Variants in WDPCP observed in about 807,000 individuals in gnomAD.
The protein encoded by WDPCP is WD repeat-containing and planar cell polarity effector protein fritz homolog.
Under a neutral mutation model 93.1 loss-of-function variants are expected in WDPCP, and 71 were observed. The observed-to-expected ratio is 0.76, with a 90% CI of 0.63 to 0.93. WDPCP has a LOEUF of 0.93. Ranked by LOEUF, WDPCP falls within the 40% of genes least tolerant of loss-of-function variation. The pLI is 0.00. For missense variants in WDPCP, 844 were observed against 887.4 expected (o/e 0.95, Z 0.62); for synonymous variants, 315 against 315.0 (o/e 1.00, Z 0.00).
At chr2:63,311,322 C>T (rs901573439) in intron 13 of WDPCP, among the ~76,000 whole-genome samples, 1 of 151,866 alleles carries the variant, frequency 6.6e-6, no homozygotes, top group African/African-American at 2.4e-5. Context: ...GGCTATAGAC[C>T]TCTGGCTAGA....
At chr2:63,538,638 T>C (rs1467725740) in intron 1 of WDPCP, among the ~76,000 whole-genome samples, 1 of 152,194 alleles carries the variant, frequency 6.6e-6, no homozygotes, top group Admixed American at 6.5e-5. Context: ...TATAGCTTAA[T>C]ATCAACCATC....
chr2:63,561,100 C>G (rs1706577690), intron 1 of WDPCP, among the ~76,000 whole-genome samples: 1 of 152,024 alleles, frequency 6.6e-6, no homozygotes, highest in Non-Finnish European at 1.5e-5. Context: ...ATGTAAAACC[C>G]AAAACTACAG....
chr2:63,133,894 C>T (rs1435700890), intron 17 of WDPCP, among the ~76,000 whole-genome samples: 6 of 152,130 alleles, frequency 3.9e-5, no homozygotes, highest in Admixed American at 6.5e-5. Context: ...TCCTACTGTT[C>T]GGGATGTAGC....
At chr2:63,542,203 T>C (rs75112897) in intron 1 of WDPCP, among the ~76,000 whole-genome samples, 2,342 of 152,282 alleles carry the variant, frequency 0.015, 66 homozygotes, top group African/African-American at 0.054. Context: ...ATTTGAAGCC[T>C]GAATACTGCA....
At chr2:63,505,010 C>CA (rs1246133281) in intron 1 of WDPCP, among the ~76,000 whole-genome samples, 1 of 151,928 alleles carries the variant, frequency 6.6e-6, no homozygotes, top group Non-Finnish European at 1.5e-5. Context: ...TGTGTTACAT[C>CA]ACAGAAGCTT....
intron 10 of WDPCP, among the ~76,000 whole-genome samples, chr2:63,401,249 A>G (rs9751845): frequency 0.42 from 63,212 of 151,994 alleles, 13,408 homozygotes; most frequent in Non-Finnish European, 0.43. Context: ...CTACCCATCT[A>G]ACAAAGGTCT....
At position 63,575,489 on chromosome 2, in the gene WDPCP, A is replaced by ATATACAGCGTATGCACT. The variant is rs1257278044; in HGVS notation, c.75+12707_75+12708insAGTGCATACGCTGTATA. Among the ~76,000 whole-genome samples the ATATACAGCGTATGCACT allele has an allele frequency of 1.7e-4, 3 of 17,288 alleles. 1 individual carries two copies. The highest frequency in any genetic ancestry group is 3.8e-4 in the Non-Finnish European group (3 of 7,858). 11.3% of individuals were successfully genotyped at this position (17,288 alleles called of 152,430 possible). Reference sequence around the variant, plus strand: ...TATGCAGTATATACAGTGTATATATAGTATATACAGTATATACACTGTATA... The same window carrying ATATACAGCGTATGCACT: ...TATGCAGTATATACAGTGTATATATATATACAGCGTATGCACTGTATATACAGTATATACACTGTATA... On this transcript the variant is annotated intron_variant, in intron 1 of 17. Transcript: ENST00000272321.
chr2:63,823,786 A>C (rs958297855), intron 1 of WDPCP, among the ~76,000 whole-genome samples: 1 of 152,220 alleles, frequency 6.6e-6, no homozygotes, highest in African/African-American at 2.4e-5. Flanking sequence ...CATGAAACAA[A>C]GAAACAGATA....
chr2:63,531,916 G>C (rs1459662093), intron 1 of WDPCP, among the ~76,000 whole-genome samples: 1 of 152,102 alleles, frequency 6.6e-6, no homozygotes, highest in East Asian at 1.9e-4. Context: ...ACTTCTCCGA[G>C]CTAAAGGAGG....
At chr2:63,231,253 C>T (rs1299126349) in intron 14 of WDPCP, among the ~76,000 whole-genome samples, 1 of 152,142 alleles carries the variant, frequency 6.6e-6, no homozygotes, top group Admixed American at 6.5e-5. Flanking sequence ...GGAGGCATTC[C>T]CTTTGAAAAG....
intron 15 of WDPCP, among the ~76,000 whole-genome samples, chr2:63,160,201 C>G (rs1415272582): frequency 6.6e-6 from 1 of 152,136 alleles, no homozygotes; most frequent in Non-Finnish European, 1.5e-5. Flanking sequence ...TGTGCTTACT[C>G]CATCTTACCA....
chr2:63,675,033 C>A (rs1037310760), intron 2 of WDPCP, among the ~76,000 whole-genome samples: 1 of 152,162 alleles, frequency 6.6e-6, no homozygotes, highest in South Asian at 2.1e-4. Flanking sequence ...GAGAGTATAA[C>A]TGGTTCTCAC....
intron 1 of WDPCP, among the ~76,000 whole-genome samples, chr2:63,523,420 T>C (rs564949990): frequency 6.6e-5 from 10 of 152,274 alleles, no homozygotes; most frequent in Admixed American, 5.2e-4. Flanking sequence ...CTGTCACCAC[T>C]CCTATTAAAC....
At chr2:63,830,512 T>G (rs1671176518), upstream of WDPCP, among the ~76,000 whole-genome samples, 2 of 152,176 alleles carry the variant, frequency 1.3e-5, no homozygotes, top group Non-Finnish European at 2.9e-5. Context: ...AAGATATTGC[T>G]GTTTGAATAA....
At chr2:63,321,210 G>A (rs1033486645) in intron 12 of WDPCP, among the ~76,000 whole-genome samples, 1 of 151,902 alleles carries the variant, frequency 6.6e-6, no homozygotes, top group Non-Finnish European at 1.5e-5. Flanking sequence ...CAATCAGCAA[G>A]ATAAACAAAT....
intron 6 of WDPCP, among the ~76,000 whole-genome samples, chr2:63,479,262 AAAG>A (rs1318234901): frequency 3.9e-5 from 6 of 152,182 alleles, no homozygotes; most frequent in African/African-American, 1.2e-4. Flanking sequence ...TCAGATATTC[AAAG>A]AAGAATTGGT....
chr2:63,647,195 T>C (rs1710061609), intron 3 of WDPCP, among the ~76,000 whole-genome samples: 1 of 152,206 alleles, frequency 6.6e-6, no homozygotes, highest in African/African-American at 2.4e-5. Flanking sequence ...TGGAGTGCAA[T>C]GGTGCAGTCT....
chr2:63,535,423 A>G (rs1704198908), intron 1 of WDPCP, among the ~76,000 whole-genome samples: 1 of 152,236 alleles, frequency 6.6e-6, no homozygotes, highest in African/African-American at 2.4e-5. Flanking sequence ...AGCCAAAAGA[A>G]CAGAGCTGGA....
At chr2:63,665,873 C>G (rs528290258) in intron 2 of WDPCP, among the ~76,000 whole-genome samples, 1 of 152,282 alleles carries the variant, frequency 6.6e-6, no homozygotes, top group South Asian at 2.1e-4. Context: ...AAGGCAGATC[C>G]CTGCATAGCC....
Sources: gnomAD v4.1 joint callset for allele counts (sites outside exome capture counted in the v4.1 genomes callset) on GRCh38, gnomAD v4.1.1 for gene constraint, MANE v1.5 for transcripts, NCBI Gene and HGNC (gene_info 2026-07-23, HGNC 2026-07-21) for gene names.